The following RAB38 variants were observed in gnomAD, a reference collection of about 807,000 sequenced individuals.
The protein encoded by RAB38 is ras-related protein Rab-38.
RAB38 carries 15 observed loss-of-function variants against 18.4 expected under a neutral mutation model. The observed-to-expected ratio is 0.82, with a 90% CI of 0.55 to 1.26. The LOEUF (loss-of-function observed/expected upper bound fraction) is 1.26, where lower values mean the gene tolerates loss of function less well. RAB38 is among the 50% of genes most tolerant of loss of function. The pLI is 0.00. For synonymous variants in RAB38, 101 were observed against 104.4 expected, an observed-to-expected ratio of 0.97 and a Z score of 0.20; for missense variants, 294 against 267.4, an observed-to-expected ratio of 1.10 and a Z score of -0.69.
chr11:87,838,526 T>C, the RAB38 span, among the ~76,000 whole-genome samples: 1 of 152,178 alleles, frequency 6.6e-6, no homozygotes, highest in African/African-American at 2.4e-5. Context: ...ATTGAGGTGG[T>C]TTTGTGAGAT....
chr11:87,854,654 A>G, the RAB38 span, among the ~76,000 whole-genome samples: 3 of 152,234 alleles, frequency 2.0e-5, no homozygotes, highest in African/African-American at 7.2e-5. Flanking sequence ...CTACCATGAA[A>G]AACACCAGAA....
chr11:88,051,175 G>T, the RAB38 span, among the ~76,000 whole-genome samples: 18 of 151,936 alleles, frequency 1.2e-4, no homozygotes, highest in African/African-American at 4.1e-4. Flanking sequence ...TTTTCACCCT[G>T]GTCTTGGCCC....
chr11:87,901,422 A>C, the RAB38 span, among the ~76,000 whole-genome samples: 32 of 151,580 alleles, frequency 2.1e-4, no homozygotes, highest in Admixed American at 2.1e-3. Context: ...AGAACTTGGA[A>C]CTCAACATTC....
the RAB38 span, among the ~76,000 whole-genome samples, chr11:87,972,139 G>A: frequency 6.6e-6 from 1 of 151,942 alleles, no homozygotes; most frequent in South Asian, 2.1e-4. Flanking sequence ...TATGTCTTAA[G>A]GCTTGAAAAT....
the RAB38 span, among the ~76,000 whole-genome samples, chr11:87,967,546 G>A: frequency 6.6e-6 from 1 of 152,102 alleles, no homozygotes; most frequent in Non-Finnish European, 1.5e-5. Flanking sequence ...CCCACAGATT[G>A]GTCATAAGCC....
At chr11:87,931,594 A>C in the RAB38 span, among the ~76,000 whole-genome samples, 3 of 152,118 alleles carry the variant, frequency 2.0e-5, no homozygotes, top group Admixed American at 2.0e-4. Context: ...AACACCAGGC[A>C]CACTGGCATT....
chr11:87,969,657 G>A, the RAB38 span, among the ~76,000 whole-genome samples: 9 of 152,178 alleles, frequency 5.9e-5, no homozygotes, highest in East Asian at 9.7e-4. Flanking sequence ...GGTCTGTGTC[G>A]GGAAATTATA....
chr11:88,067,950 T>C, the RAB38 span, among the ~76,000 whole-genome samples: 2 of 142,676 alleles, frequency 1.4e-5, no homozygotes, highest in African/African-American at 5.3e-5. Context: ...TATATATACA[T>C]ATATATACTT....
the RAB38 span, among the ~76,000 whole-genome samples, chr11:88,043,260 A>G: frequency 3.3e-5 from 5 of 152,194 alleles, no homozygotes; most frequent in African/African-American, 1.2e-4. Context: ...TGTCTCATCT[A>G]CTTTTGCAAA....
the RAB38 span, among the ~76,000 whole-genome samples, chr11:88,024,564 T>C: frequency 6.6e-6 from 1 of 152,186 alleles, no homozygotes; most frequent in Non-Finnish European, 1.5e-5. Context: ...AATCATTTTA[T>C]CAAAGAGATA....
At chr11:88,108,486 A>C (rs1030703341), downstream of RAB38, among the ~76,000 whole-genome samples, 3 of 151,628 alleles carry the variant, frequency 2.0e-5, no homozygotes, top group Non-Finnish European at 4.4e-5. Flanking sequence ...TTTGCTTTCC[A>C]TTTGCTTGGT....
chr11:87,901,849 G>A, the RAB38 span, among the ~76,000 whole-genome samples: 2 of 151,040 alleles, frequency 1.3e-5, no homozygotes, highest in Non-Finnish European at 3.0e-5. Context: ...CTGCCTTAAT[G>A]TTATAGACTT....
At chr11:87,938,352 C>A in the RAB38 span, among the ~76,000 whole-genome samples, 1 of 152,046 alleles carries the variant, frequency 6.6e-6, no homozygotes, top group African/African-American at 2.4e-5. Flanking sequence ...ATGGTATACA[C>A]TGACACCATA....
At chr11:87,927,355 T>C in the RAB38 span, among the ~76,000 whole-genome samples, 1 of 152,102 alleles carries the variant, frequency 6.6e-6, no homozygotes, top group Non-Finnish European at 1.5e-5. Flanking sequence ...GCAGTTGGAT[T>C]ATAAATGAGT....
At chr11:87,829,458 A>G in the RAB38 span, among the ~76,000 whole-genome samples, 1 of 152,138 alleles carries the variant, frequency 6.6e-6, no homozygotes, top group Admixed American at 6.5e-5. Flanking sequence ...GAACCTTACA[A>G]TCATGGCAGA....
the RAB38 span, among the ~76,000 whole-genome samples, chr11:87,859,024 CAAAT>C: frequency 6.7e-6 from 1 of 150,346 alleles, no homozygotes; most frequent in African/African-American, 2.4e-5. Flanking sequence ...AAGAACATAA[CAAAT>C]AATAAAAATA....
At chr11:87,836,528 A>G in the RAB38 span, among the ~76,000 whole-genome samples, 9 of 152,108 alleles carry the variant, frequency 5.9e-5, no homozygotes, top group South Asian at 4.2e-4. Context: ...GCATACCATC[A>G]TCTCTCCCCA....
chr11:87,953,539 C>G, the RAB38 span, among the ~76,000 whole-genome samples: 87 of 150,620 alleles, frequency 5.8e-4, no homozygotes, highest in African/African-American at 2.1e-3. Context: ...AATGTGGGCT[C>G]TCTTTGTCTG....
chr11:88,073,501 AAG>A, the RAB38 span, among the ~76,000 whole-genome samples: 1 of 152,180 alleles, frequency 6.6e-6, no homozygotes, highest in Non-Finnish European at 1.5e-5. Flanking sequence ...AAAGAAAAGA[AAG>A]AGAGAGAAAA....
Sources: allele counts gnomAD v4.1 joint callset (sites outside exome capture counted in the v4.1 genomes callset), GRCh38; gene constraint gnomAD v4.1.1; transcripts MANE v1.5; gene names NCBI Gene and HGNC (gene_info 2026-07-23, HGNC 2026-07-21).